Variants in BNC2 observed in about 807,000 individuals in gnomAD.
BNC2 encodes zinc finger protein basonuclin-2.
Under a neutral mutation model 76.3 loss-of-function variants are expected in BNC2, and 20 were observed. The observed-to-expected ratio is 0.26, with a 90% CI of 0.18 to 0.38. The LOEUF is 0.38. Ranked by LOEUF, BNC2 falls within the 10% of genes least tolerant of loss-of-function variation. BNC2 has a pLI of 1.00. For missense variants in BNC2, 1,382 were observed against 1,399.8 expected (o/e 0.99, Z 0.20); for synonymous variants, 582 against 514.8 (o/e 1.13, Z -1.77).
At chr9:16,425,682 T>C (rs1408655679) in intron 6 of BNC2, among the ~76,000 whole-genome samples, 2 of 152,238 alleles carry the variant, frequency 1.3e-5, no homozygotes, top group South Asian at 2.1e-4. Flanking sequence ...TACTCCACTT[T>C]GCAACTTTAT....
At chr9:16,739,280 G>A (rs957320040) in intron 1 of BNC2, among the ~76,000 whole-genome samples, 3 of 152,158 alleles carry the variant, frequency 2.0e-5, no homozygotes, top group Admixed American at 1.3e-4. Flanking sequence ...CAGCAGTAAC[G>A]TCTGATCATT....
intron 5 of BNC2, among the ~76,000 whole-genome samples, chr9:16,456,576 G>C (rs1821454136): frequency 6.6e-6 from 1 of 150,816 alleles, no homozygotes; most frequent in Admixed American, 6.6e-5. Flanking sequence ...GCCAAGAGCA[G>C]CAGGTAAAGT....
chr9:16,817,266 C>T (rs928678581), intron 1 of BNC2, among the ~76,000 whole-genome samples: 2 of 152,168 alleles, frequency 1.3e-5, no homozygotes, highest in Non-Finnish European at 2.9e-5. Context: ...GCTGCCTGAA[C>T]CATTAATGTT....
intron 2 of BNC2, among the ~76,000 whole-genome samples, chr9:16,732,412 T>C (rs1824538080): frequency 6.6e-6 from 1 of 152,202 alleles, no homozygotes; most frequent in Non-Finnish European, 1.5e-5. Flanking sequence ...TATGTAAATA[T>C]ATATGATTTT....
intron 3 of BNC2, among the ~76,000 whole-genome samples, chr9:16,664,618 G>A (rs946054189): frequency 6.6e-6 from 1 of 151,656 alleles, no homozygotes; most frequent in Non-Finnish European, 1.5e-5. Flanking sequence ...CTGGTGTTGG[G>A]TAGGATGCTC....
rs894138010 is a variant in BNC2, at chr9:16,417,786, T to G, written c.*1203A>C. 1 of 152,692 alleles carries G rather than the reference T, an allele frequency of 6.5e-6. No homozygotes were observed. The highest frequency in any genetic ancestry group is 2.4e-5 in the African/African-American group (1 of 41,464). The allele number at this position is 152,692 out of a possible 1,614,324, so 9.5% of individuals were successfully genotyped here. A position where few individuals can be genotyped will look rare whatever the true frequency, so the allele number is the denominator to read the frequency against. On this transcript the variant is annotated 3_prime_UTR_variant, in exon 7 of 7. Transcript: ENST00000380672. ...ATCCTGCCTCTGAAGAATAAATGCC[T>G]TGGCTGTTTCACACCACATAATTTT...
Position 16,435,972 on chromosome 9 carries a change from T to A in BNC2, c.2222A>T (p.Asp741Val). Residue 741 changes from aspartate to valine, a missense_variant, in exon 6 of 7, where the codon GAT becomes GTT. This residue lies in a region of BNC2 where 798 missense variants were observed against 775.5 expected (regional missense o/e 1.03). Coordinates refer to ENST00000380672, the MANE Select transcript of BNC2 (RefSeq NM_017637.6). Reference protein sequence around the residue: ...PKLGEESMEGDEHIHSEVSEK... With the variant: ...PKLGEESMEGVEHIHSEVSEK... ...ACTCACTTCGCTGTGAATGTGCTCA[T>A]CCCCTTCCATGGATTCCTCGCCCAG... 1 of 1,614,176 alleles carries A rather than the reference T, an allele frequency of 6.2e-7. No homozygotes were observed. The highest frequency in any genetic ancestry group is 8.5e-7 in the Non-Finnish European group (1 of 1,180,026).
intron 6 of BNC2, among the ~76,000 whole-genome samples, chr9:16,435,257 A>T (rs1400237086): frequency 6.6e-6 from 1 of 152,206 alleles, no homozygotes; most frequent in Non-Finnish European, 1.5e-5. Flanking sequence ...GTACATAGTT[A>T]ACTTATTCAC....
intron 3 of BNC2, chr9:16,665,044 C>A (rs1342137965): frequency 2.2e-6 from 1 of 456,374 alleles, no homozygotes; most frequent in South Asian, 1.5e-5. Flanking sequence ...CCTGTAACTT[C>A]TTTATAAATT....
intron 5 of BNC2, among the ~76,000 whole-genome samples, chr9:16,463,462 A>G (rs1821632744): frequency 6.8e-6 from 1 of 146,618 alleles, no homozygotes; most frequent in South Asian, 2.1e-4. Context: ...ACGCCCGGCT[A>G]ATTTTTTGTA....
intron 6 of BNC2, among the ~76,000 whole-genome samples, chr9:16,430,880 T>C (rs1820895698): frequency 6.6e-6 from 1 of 152,232 alleles, no homozygotes; most frequent in African/African-American, 2.4e-5. Context: ...GGTTCACACT[T>C]GACACCAATG....
At chr9:16,435,473 T>C in intron 6 of BNC2, 82 bp downstream of exon 6, 1 of 1,501,964 alleles carries the variant, frequency 6.7e-7, no homozygotes, top group Non-Finnish European at 9.2e-7. Flanking sequence ...CTAAGTTGGA[T>C]TTCTTTTAGT....
rs532774860 is a variant in BNC2, at chr9:16,477,376, TA to T, written c.670-39853del. On this transcript the variant is annotated intron_variant, in intron 5 of 6. Coordinates refer to ENST00000380672, the MANE Select transcript of BNC2 (RefSeq NM_017637.6). The stretch of plus-strand genomic sequence containing the variant: ...CTTGATAACAATGTGACAAGGAGAT[TA>T]AAAAAAAAAAGTCCTTGATTTTCTT... Among the ~76,000 whole-genome samples, 432 of 146,520 alleles carry T rather than the reference TA, an allele frequency of 2.9e-3. 3 individuals are homozygous for T. The highest frequency in any genetic ancestry group is 7.9e-3 in the African/African-American group (318 of 40,294).
At chr9:16,577,129 G>C (rs1419743656) in intron 4 of BNC2, among the ~76,000 whole-genome samples, 1 of 151,974 alleles carries the variant, frequency 6.6e-6, no homozygotes, top group African/African-American at 2.4e-5. Flanking sequence ...TTTAGGTATG[G>C]GCTTGCCAGA....
chr9:16,614,553 A>G (rs1216322499), intron 3 of BNC2, among the ~76,000 whole-genome samples: 1 of 152,132 alleles, frequency 6.6e-6, no homozygotes, highest in Non-Finnish European at 1.5e-5. Context: ...AATAAAAAGA[A>G]AGCAAGGTTA....
chr9:16,419,594 T>A lies in BNC2; in HGVS notation c.2695A>T (p.Met899Leu). ...RKLLTKELDDMGLDSSQPSLS... is the reference protein window; with the variant it reads ...RKLLTKELDDLGLDSSQPSLS... ...GAGGGCTGCGACGAGTCCAGGCCCA[T>A]GTCATCGAGTTCTTTGGTCAACAGT... Residue 899 changes from methionine to leucine, a missense_variant, in exon 7 of 7, where the codon ATG becomes TTG. By Grantham distance (15) the Met-to-Leu change is conservative. Coordinates refer to ENST00000380672, the MANE Select transcript of BNC2 (RefSeq NM_017637.6). The A allele has an allele frequency of 6.3e-7, 1 of 1,599,312 alleles. No homozygotes were observed. Among genetic ancestry groups the A allele is most frequent in the Non-Finnish European group, 8.5e-7 (1 of 1,172,840 alleles).
At chr9:16,577,676 A>C (rs6475065) in intron 4 of BNC2, among the ~76,000 whole-genome samples, 1 of 152,308 alleles carries the variant, frequency 6.6e-6, no homozygotes, top group Admixed American at 6.5e-5. Flanking sequence ...GTAATAATGT[A>C]AAACTATCTT....
At chr9:16,809,964 T>C (rs1007641391) in intron 1 of BNC2, among the ~76,000 whole-genome samples, 3 of 152,192 alleles carry the variant, frequency 2.0e-5, no homozygotes, top group African/African-American at 4.8e-5. Context: ...GGTCCATTGA[T>C]GGTCCTGATG....
At chr9:16,797,943 G>A (rs964867628) in intron 1 of BNC2, among the ~76,000 whole-genome samples, 1 of 152,060 alleles carries the variant, frequency 6.6e-6, no homozygotes, top group African/African-American at 2.4e-5. Context: ...ATTTTCATCT[G>A]GCTCTGATCC....
Sources: gnomAD v4.1 joint callset for allele counts (sites outside exome capture counted in the v4.1 genomes callset) on GRCh38, gnomAD v4.1.1 for gene constraint, gnomAD v4.1.1 regional missense constraint, MANE v1.5 for transcripts, NCBI Gene and HGNC (gene_info 2026-07-23, HGNC 2026-07-21) for gene names.